Variants in PTPRN2 observed in about 807,000 individuals in gnomAD.
PTPRN2 encodes protein tyrosine phosphatase receptor type N2, also known as receptor-type tyrosine-protein phosphatase N2.
A neutral mutation model predicts 118.8 loss-of-function variants in PTPRN2; 74 were observed. The observed-to-expected ratio is 0.62, with a 90% CI of 0.52 to 0.76. PTPRN2 has a LOEUF of 0.76. Ranked by LOEUF, PTPRN2 falls within the 30% of genes least tolerant of loss-of-function variation. The pLI is 0.00. For synonymous variants in PTPRN2, 641 were observed against 608.0 expected, an observed-to-expected ratio of 1.05 and a Z score of -0.80; for missense variants, 1,481 against 1,394.4, an observed-to-expected ratio of 1.06 and a Z score of -0.99.
chr7:158,225,813 C>T (rs534045018), intron 3 of PTPRN2, among the ~76,000 whole-genome samples: 2 of 151,518 alleles, frequency 1.3e-5, no homozygotes, highest in Admixed American at 6.6e-5. Flanking sequence ...TCTAAGATAA[C>T]GGAGTAGCAT....
chr7:158,042,100 A>G (rs1022757838), intron 11 of PTPRN2, among the ~76,000 whole-genome samples: 1 of 152,174 alleles, frequency 6.6e-6, no homozygotes. Context: ...CTTTCTGCCC[A>G]CGAAAGAGCC....
At chr7:157,966,850 GGTCACTATCATCAGCACC>G in intron 11 of PTPRN2, among the ~76,000 whole-genome samples, 1 of 149,818 alleles carries the variant, frequency 6.7e-6, no homozygotes, top group East Asian at 2.0e-4. Context: ...TCATCACAAT[GGTCACTATCATCAGCACC>G]ATCACTGTCA....
At chr7:158,522,666 G>A (rs1488155855) in intron 1 of PTPRN2, among the ~76,000 whole-genome samples, 1 of 152,226 alleles carries the variant, frequency 6.6e-6, no homozygotes, top group East Asian at 1.9e-4. Context: ...ACAGATTAAG[G>A]TGAAGTGAGG....
intron 3 of PTPRN2, among the ~76,000 whole-genome samples, chr7:158,296,732 C>A (rs145693046): frequency 6.6e-6 from 1 of 152,324 alleles, no homozygotes; most frequent in East Asian, 1.9e-4. Flanking sequence ...CATCGCACGC[C>A]CTGTGAGGGG....
chr7:157,598,831 CATCTGA>C lies in PTPRN2; in HGVS notation c.2419-3522_2419-3517del, dbSNP rs1801500642. 6.6e-6 allele frequency among the ~76,000 whole-genome samples: 1 copy of C among 152,144 alleles called. No homozygotes were observed. The highest frequency in any genetic ancestry group is 1.5e-5 in the Non-Finnish European group (1 of 68,044). ...TCCTCCAGTGGTGTGCGGGGCCAAGCATCTGAATGGCGAGGTGCGGTCATTTCTGAG... is the reference window on the plus strand; with the variant it reads ...TCCTCCAGTGGTGTGCGGGGCCAAGCATGGCGAGGTGCGGTCATTTCTGAG... On this transcript the variant is annotated intron_variant, in intron 16 of 22. Transcript: ENST00000389418. This position sits in a 1 kb window ranked among gnomAD's most constrained non-coding sequence, Gnocchi z 5.2.
At chr7:158,238,868 G>A (rs978034613) in intron 3 of PTPRN2, among the ~76,000 whole-genome samples, 1 of 152,170 alleles carries the variant, frequency 6.6e-6, no homozygotes, top group African/African-American at 2.4e-5. Flanking sequence ...CTGACACGGT[G>A]GCTACAAGGG....
chr7:157,816,299 C>T (rs554726108), intron 12 of PTPRN2, among the ~76,000 whole-genome samples: 3 of 152,312 alleles, frequency 2.0e-5, no homozygotes, highest in East Asian at 1.9e-4. Flanking sequence ...TCGGTGTGGT[C>T]GGGGGCCTGG....
chr7:158,187,495 T>C (rs947414256), intron 5 of PTPRN2, among the ~76,000 whole-genome samples: 11 of 152,108 alleles, frequency 7.2e-5, no homozygotes, highest in Non-Finnish European at 1.2e-4. Flanking sequence ...GGCAGCAAAA[T>C]CTGCACGGCA....
At chr7:158,316,978 C>T (rs1421142773) in intron 2 of PTPRN2, 46 bp from the exon 3 acceptor site, 20 of 1,455,008 alleles carry the variant, frequency 1.4e-5, no homozygotes, top group Non-Finnish European at 1.8e-5. Flanking sequence ...GTTTCATTTT[C>T]AGAGAGCAGG....
At chr7:157,899,121 C>A (rs1326846718) in intron 11 of PTPRN2, among the ~76,000 whole-genome samples, 2 of 152,192 alleles carry the variant, frequency 1.3e-5, no homozygotes, top group Admixed American at 1.3e-4. Context: ...GTTTCATTAA[C>A]CAGCATTAGG....
chr7:157,830,909 G>A (rs901061151), intron 12 of PTPRN2, among the ~76,000 whole-genome samples: 1 of 152,158 alleles, frequency 6.6e-6, no homozygotes. Context: ...CAGGCTGCAC[G>A]CTGGGGGATG....
At chr7:157,885,932 C>T (rs58906894) in intron 12 of PTPRN2, among the ~76,000 whole-genome samples, 198 of 152,318 alleles carry the variant, frequency 1.3e-3, no homozygotes, top group African/African-American at 4.5e-3. Flanking sequence ...TGGAACACAC[C>T]CCGGGAGGGG....
At chr7:158,262,727 CAT>C (rs1343862008) in intron 3 of PTPRN2, among the ~76,000 whole-genome samples, 2 of 147,668 alleles carry the variant, frequency 1.4e-5, no homozygotes, top group African/African-American at 5.2e-5. Context: ...ATTGCGCACA[CAT>C]ACATTCACAC....
chr7:157,772,302 TACAG>T (rs1335076873), intron 12 of PTPRN2, among the ~76,000 whole-genome samples: 1 of 102,258 alleles, frequency 9.8e-6, no homozygotes, highest in African/African-American at 4.7e-5. Flanking sequence ...CACACAGACA[TACAG>T]ACACACATAG....
chr7:158,525,994 G>C lies in PTPRN2; in HGVS notation c.113-36209C>G, dbSNP rs182841654. 1.7e-3 allele frequency among the ~76,000 whole-genome samples: 254 copies of C among 152,100 alleles called. No homozygotes were observed. The highest frequency in any genetic ancestry group is 3.4e-3 in the Middle Eastern group (1 of 294). On this transcript the variant is annotated intron_variant, in intron 1 of 22. Transcript: ENST00000389418. This position sits in a 1 kb window ranked among gnomAD's most constrained non-coding sequence, Gnocchi z 4.1. ...CCCCCCATTGACTCGGCTCTCTGCA[G>C]ACCTGCAGACCTGCAGCCCAGCCCC...
chr7:158,336,753 C>G (rs1188940397), intron 2 of PTPRN2, among the ~76,000 whole-genome samples: 1,918 of 82,230 alleles, frequency 0.023, 85 homozygotes, highest in South Asian at 0.049. Flanking sequence ...GTCACTCACA[C>G]CCACAGTCTC....
chr7:157,855,083 T>C (rs1441672030), intron 12 of PTPRN2, among the ~76,000 whole-genome samples: 9 of 139,452 alleles, frequency 6.5e-5, no homozygotes, highest in African/African-American at 1.4e-4. Context: ...AGGATGGCTG[T>C]GCCGTTGCAG....
Position 157,541,126 on chromosome 7 carries a change from C to G in PTPRN2, c.2977-341G>C, listed in dbSNP as rs150132760. ...CTGCGTACTGCCCTGTCCTTCTGACCCTACGACTCCACGATTCCTCCTCAC... is the reference window on the plus strand; with the variant it reads ...CTGCGTACTGCCCTGTCCTTCTGACGCTACGACTCCACGATTCCTCCTCAC... On this transcript the variant is annotated intron_variant, in intron 22 of 22. Coordinates refer to ENST00000389418, the MANE Select transcript of PTPRN2 (RefSeq NM_002847.5). 2.8e-3 allele frequency among the ~76,000 whole-genome samples: 426 copies of G among 152,344 alleles called. 3 individuals are homozygous for G. The highest frequency in any genetic ancestry group is 9.9e-3 in the African/African-American group (410 of 41,576).
chr7:158,357,744 A>AGAAAG (rs1808501429), intron 2 of PTPRN2, among the ~76,000 whole-genome samples: 1 of 152,128 alleles, frequency 6.6e-6, no homozygotes, highest in East Asian at 1.9e-4. Context: ...CATTCCGGGG[A>AGAAAG]GAAAGAAGGG....
Sources: allele counts gnomAD v4.1 joint callset (sites outside exome capture counted in the v4.1 genomes callset), GRCh38; gene constraint gnomAD v4.1.1; non-coding constraint Gnocchi (gnomAD v3.1); transcripts MANE v1.5; gene names NCBI Gene and HGNC (gene_info 2026-07-23, HGNC 2026-07-21).